Variants in GRIN3A observed in about 807,000 individuals in gnomAD.
The protein encoded by GRIN3A is glutamate receptor ionotropic, NMDA 3A.
GRIN3A carries 47 observed loss-of-function variants against 92.4 expected under a neutral mutation model. The ratio of observed to expected loss-of-function variants is 0.51; its 90% CI spans 0.40 to 0.65. GRIN3A has a LOEUF of 0.65. Among genes scored for constraint, GRIN3A ranks in the 30% least tolerant of loss-of-function variants. The pLI is 0.00. For synonymous variants in GRIN3A, 527 were observed against 540.6 expected (o/e 0.97, Z 0.35); for missense variants, 1,324 against 1,393.1 (o/e 0.95, Z 0.79).
intron 3 of GRIN3A, among the ~76,000 whole-genome samples, chr9:101,665,570 C>T (rs1209353791): frequency 2.0e-5 from 3 of 151,810 alleles, no homozygotes; most frequent in Admixed American, 2.0e-4. Flanking sequence ...AGAAATAAAG[C>T]AGATAGTAAG....
intron 3 of GRIN3A, among the ~76,000 whole-genome samples, chr9:101,658,159 T>C (rs1364893967): frequency 6.6e-6 from 1 of 152,010 alleles, no homozygotes; most frequent in African/African-American, 2.4e-5. Flanking sequence ...ATTAGCTATA[T>C]GGCTTTGGAC....
chr9:101,645,182 C>A (rs1364871380), intron 3 of GRIN3A, among the ~76,000 whole-genome samples: 1 of 151,850 alleles, frequency 6.6e-6, no homozygotes, highest in Non-Finnish European at 1.5e-5. Flanking sequence ...CCTCTAGTAA[C>A]CATCATTCTA....
intron 3 of GRIN3A, among the ~76,000 whole-genome samples, chr9:101,654,726 T>C (rs1829062170): frequency 6.6e-6 from 1 of 151,822 alleles, no homozygotes; most frequent in Non-Finnish European, 1.5e-5. Context: ...AAGGAGGCTT[T>C]CTCTGACTGT....
intron 6 of GRIN3A, among the ~76,000 whole-genome samples, chr9:101,587,155 C>T (rs949206260): frequency 2.0e-5 from 3 of 151,998 alleles, no homozygotes; most frequent in Non-Finnish European, 4.4e-5. Context: ...ACTAAAAATA[C>T]AAAAATTAGT....
intron 3 of GRIN3A, among the ~76,000 whole-genome samples, chr9:101,657,711 A>T (rs1056753900): frequency 6.6e-6 from 1 of 151,900 alleles, no homozygotes; most frequent in Non-Finnish European, 1.5e-5. Context: ...AGCATCTGAG[A>T]CTGACAGCAT....
At chr9:101,590,518 A>G (rs964444209) in intron 6 of GRIN3A, among the ~76,000 whole-genome samples, 4 of 151,938 alleles carry the variant, frequency 2.6e-5, no homozygotes, top group African/African-American at 9.7e-5. Flanking sequence ...AGTAGCTGGG[A>G]TTACAGGCAC....
intron 3 of GRIN3A, among the ~76,000 whole-genome samples, chr9:101,643,579 C>T (rs1828894778): frequency 6.6e-6 from 1 of 151,830 alleles, no homozygotes; most frequent in African/African-American, 2.4e-5. Context: ...AAATCAGTAA[C>T]TTGAAGAAAT....
chr9:101,641,248 A>G (rs529704446), intron 3 of GRIN3A, among the ~76,000 whole-genome samples: 1 of 152,210 alleles, frequency 6.6e-6, no homozygotes, highest in South Asian at 2.1e-4. Context: ...GGGATCTAGA[A>G]CTAGAAATAC....
At chr9:101,660,224 C>T (rs1157673229) in intron 3 of GRIN3A, among the ~76,000 whole-genome samples, 1 of 151,804 alleles carries the variant, frequency 6.6e-6, no homozygotes, top group African/African-American at 2.4e-5. Flanking sequence ...CTCTGAGACT[C>T]GGTTCCACTA....
At chr9:101,611,325 C>A (rs1254275995) in intron 6 of GRIN3A, among the ~76,000 whole-genome samples, 1 of 152,072 alleles carries the variant, frequency 6.6e-6, no homozygotes. Flanking sequence ...TTTGTTGTCA[C>A]GTGGACTTTT....
At chr9:101,706,596 A>G (rs1313489481) in intron 1 of GRIN3A, among the ~76,000 whole-genome samples, 1 of 152,212 alleles carries the variant, frequency 6.6e-6, no homozygotes, top group Non-Finnish European at 1.5e-5. Flanking sequence ...TTTATGACAC[A>G]TAGTAAACCA....
chr9:101,597,782 G>C (rs909711317), intron 6 of GRIN3A, among the ~76,000 whole-genome samples: 1 of 152,110 alleles, frequency 6.6e-6, no homozygotes, highest in African/African-American at 2.4e-5. Flanking sequence ...TTATAAAGTT[G>C]TAAAAAGTTT....
intron 7 of GRIN3A, 94 bp from the exon 8 acceptor site, chr9:101,577,938 G>A (rs746736405): frequency 5.4e-5 from 48 of 897,072 alleles, no homozygotes; most frequent in Non-Finnish European, 7.4e-5. Flanking sequence ...ATATGTAGTC[G>A]TTACAAACCT....
At chr9:101,650,465 G>T (rs950981050) in intron 3 of GRIN3A, among the ~76,000 whole-genome samples, 1 of 151,986 alleles carries the variant, frequency 6.6e-6, no homozygotes, top group Admixed American at 6.6e-5. Context: ...GTGTGTTGGA[G>T]GATAAGACAT....
chr9:101,699,152 G>C (rs1239706168), intron 1 of GRIN3A, among the ~76,000 whole-genome samples: 1 of 151,814 alleles, frequency 6.6e-6, no homozygotes, highest in Non-Finnish European at 1.5e-5. Flanking sequence ...GTATTAATTT[G>C]TTTTTATTTT....
intron 6 of GRIN3A, among the ~76,000 whole-genome samples, chr9:101,595,473 A>G (rs1322537212): frequency 6.6e-6 from 1 of 152,100 alleles, no homozygotes; most frequent in African/African-American, 2.4e-5. Flanking sequence ...GACACTGTAT[A>G]CTTGCTTTAC....
rs1564120228 is a variant in GRIN3A, at chr9:101,590,396, T to TTTATTTA, written c.2767-11037_2767-11036insTAAATAA. Among the ~76,000 whole-genome samples, 3 of 145,996 alleles carry TTTATTTA rather than the reference T, an allele frequency of 2.1e-5. No individual in the cohort carries two copies. The South Asian group carries it at 6.5e-4, about 32-fold the overall frequency. On this transcript the variant is annotated intron_variant, in intron 6 of 8. Coordinates refer to ENST00000361820, the MANE Select transcript of GRIN3A (RefSeq NM_133445.3). ...TATTTATTTATTTATTTATTTATTT[T>TTTATTTA]TTTGAGATGGAATCTCGCTCTGTCA...
chr9:101,623,101 T>C (rs1013588186), intron 5 of GRIN3A, among the ~76,000 whole-genome samples: 13 of 151,874 alleles, frequency 8.6e-5, no homozygotes, highest in Non-Finnish European at 1.5e-5. Context: ...GTAACAATGA[T>C]TTTTCCCCCT....
intron 1 of GRIN3A, among the ~76,000 whole-genome samples, chr9:101,712,148 C>A (rs1829886562): frequency 6.6e-6 from 1 of 152,140 alleles, no homozygotes; most frequent in East Asian, 1.9e-4. Context: ...ATAAAGTTCT[C>A]CTATTATCCT....
Sources: allele counts gnomAD v4.1 joint callset (sites outside exome capture counted in the v4.1 genomes callset), GRCh38; gene constraint gnomAD v4.1.1; transcripts MANE v1.5; gene names NCBI Gene and HGNC (gene_info 2026-07-23, HGNC 2026-07-21).